Variants in ANKS1B observed in about 807,000 individuals in gnomAD.
ANKS1B encodes the protein ankyrin repeat and sterile alpha motif domain-containing protein 1B.
Under a neutral mutation model 148.3 loss-of-function variants are expected in ANKS1B, and 36 were observed. The ratio of observed to expected loss-of-function variants is 0.24; its 90% CI spans 0.19 to 0.32. The LOEUF (loss-of-function observed/expected upper bound fraction) is 0.32. Among genes scored for constraint, ANKS1B ranks in the 10% least tolerant of loss-of-function variants. The probability of loss-of-function intolerance (pLI) is 1.00; values close to 1 mark genes in which losing one functional copy is unlikely to be tolerated. For missense variants in ANKS1B, 1,157 were observed against 1,542.6 expected, an observed-to-expected ratio of 0.75 and a Z score of 4.19; for synonymous variants, 542 against 560.8, an observed-to-expected ratio of 0.97 and a Z score of 0.47.
intron 11 of ANKS1B, among the ~76,000 whole-genome samples, chr12:99,428,904 A>G (rs1349560260): frequency 6.6e-6 from 1 of 152,216 alleles, no homozygotes; most frequent in Non-Finnish European, 1.5e-5. Context: ...GGAATGCTCA[A>G]AGAGTGATGG....
intron 14 of ANKS1B, among the ~76,000 whole-genome samples, chr12:99,181,139 T>G (rs187954794): frequency 1.3e-5 from 2 of 152,344 alleles, no homozygotes; most frequent in East Asian, 3.9e-4. Flanking sequence ...GTGTGTCACA[T>G]AAACTTTGGT....
intron 9 of ANKS1B, among the ~76,000 whole-genome samples, chr12:99,566,418 C>A (rs2097394884): frequency 6.6e-6 from 1 of 152,196 alleles, no homozygotes; most frequent in Admixed American, 6.5e-5. Flanking sequence ...TTTCCAATAA[C>A]ATGCTCCTCA....
At chr12:98,768,623 G>C (rs544065650) in intron 25 of ANKS1B, among the ~76,000 whole-genome samples, 1 of 150,924 alleles carries the variant, frequency 6.6e-6, no homozygotes, top group African/African-American at 2.4e-5. Flanking sequence ...AGTCCCAGCT[G>C]CTCAGGAGGC....
chr12:99,718,300 C>T lies in ANKS1B; in HGVS notation c.1128+54622G>A, dbSNP rs572832462. On this transcript the variant is annotated intron_variant, in intron 8 of 26. Coordinates refer to ENST00000683438, the MANE Select transcript of ANKS1B (RefSeq NM_001352186.2). ...TAAATTATCTGCTTCCCTGACTATT[C>T]CTGGACTACAGCTGTATCTCATTGC... Among the ~76,000 whole-genome samples, 335 of 152,232 alleles carry T rather than the reference C, an allele frequency of 2.2e-3. 4 individuals are homozygous for T. Among genetic ancestry groups the T allele is most frequent in the Non-Finnish European group, 1.7e-3 (118 of 68,004 alleles).
intron 1 of ANKS1B, among the ~76,000 whole-genome samples, chr12:99,918,114 T>G (rs140947498): frequency 5.3e-5 from 8 of 152,318 alleles, no homozygotes; most frequent in African/African-American, 1.9e-4. Flanking sequence ...AAAAATTGAC[T>G]TCCACAAAAG....
chr12:99,427,291 C>A (rs1258242969), intron 11 of ANKS1B, among the ~76,000 whole-genome samples: 3 of 152,202 alleles, frequency 2.0e-5, no homozygotes, highest in Admixed American at 1.3e-4. Flanking sequence ...TCTCTGTCTT[C>A]TCTGGTTTCA....
chr12:99,903,377 TC>T (rs1369585426), intron 1 of ANKS1B, among the ~76,000 whole-genome samples: 2 of 152,128 alleles, frequency 1.3e-5, no homozygotes, highest in Non-Finnish European at 2.9e-5. Flanking sequence ...AAAGGGAAGT[TC>T]CCCTTCCTCT....
At chr12:99,365,359 A>T (rs10777973) in intron 12 of ANKS1B, among the ~76,000 whole-genome samples, 45,439 of 152,020 alleles carry the variant, frequency 0.3, 7,773 homozygotes, top group East Asian at 0.5. Context: ...AATCTGATAG[A>T]CCAATTTCAT....
chr12:98,737,213 A>G (rs2097777936), intron 9 of ANKS1B, among the ~76,000 whole-genome samples: 1 of 152,156 alleles, frequency 6.6e-6, no homozygotes, highest in Non-Finnish European at 1.5e-5. Context: ...CAGAGCACTC[A>G]TCTGAATCAC....
chr12:99,212,874 T>C (rs2083539493), intron 14 of ANKS1B, among the ~76,000 whole-genome samples: 1 of 152,216 alleles, frequency 6.6e-6, no homozygotes, highest in Admixed American at 6.5e-5. Context: ...TTCACATTCA[T>C]ATCCCTAGTT....
intron 1 of ANKS1B, among the ~76,000 whole-genome samples, chr12:99,958,374 A>AT (rs997366497): frequency 6.6e-6 from 1 of 151,880 alleles, no homozygotes; most frequent in Non-Finnish European, 1.5e-5. Context: ...CAAGCCACTG[A>AT]TTTTTTTTGT....
At chr12:99,017,666 G>A (rs2099943346) in intron 17 of ANKS1B, among the ~76,000 whole-genome samples, 1 of 152,030 alleles carries the variant, frequency 6.6e-6, no homozygotes, top group South Asian at 2.1e-4. Context: ...CCACCAAATT[G>A]TCCACAAAAA....
At chr12:99,376,083 T>C (rs1457173074) in intron 12 of ANKS1B, among the ~76,000 whole-genome samples, 1 of 152,198 alleles carries the variant, frequency 6.6e-6, no homozygotes, top group East Asian at 1.9e-4. Context: ...TATCAAACCA[T>C]TCGCTGTTCA....
In ANKS1B at chr12:99,713,890, G is replaced by A. The variant is rs144420488; in HGVS notation, c.1129-58680C>T. ...ACCACATTTTTAGGTATTTGTTAGC[G>A]CATAACCTCACTTCCAAATCTATGT... is the stretch of plus-strand genomic sequence containing the variant. On this transcript the variant is annotated intron_variant, in intron 8 of 26. Coordinates refer to ENST00000683438, the MANE Select transcript of ANKS1B (RefSeq NM_001352186.2). 1.4e-3 allele frequency among the ~76,000 whole-genome samples: 206 copies of A among 152,104 alleles called. 4 individuals carry two copies. The highest frequency in any genetic ancestry group is 3.4e-3 in the Middle Eastern group (1 of 294).
intron 17 of ANKS1B, among the ~76,000 whole-genome samples, chr12:98,971,641 T>C (rs17363636): frequency 0.13 from 19,391 of 152,190 alleles, 1,497 homozygotes; most frequent in Middle Eastern, 0.18. Context: ...GTGTGTCTTC[T>C]ATACTTTGTA....
At chr12:99,413,104 A>G (rs2094772859) in intron 11 of ANKS1B, among the ~76,000 whole-genome samples, 1 of 152,218 alleles carries the variant, frequency 6.6e-6, no homozygotes, top group Non-Finnish European at 1.5e-5. Flanking sequence ...AGAAGTCGTG[A>G]GTGAGTATTG....
chr12:99,671,480 T>TA (rs2098537911), intron 8 of ANKS1B, among the ~76,000 whole-genome samples: 2 of 152,164 alleles, frequency 1.3e-5, no homozygotes, highest in Admixed American at 6.5e-5. Context: ...TCCTTTTCAA[T>TA]ATACAACATA....
At chr12:99,842,682 GC>G (rs1218307979) in intron 1 of ANKS1B, among the ~76,000 whole-genome samples, 2 of 151,984 alleles carry the variant, frequency 1.3e-5, no homozygotes, top group Admixed American at 1.3e-4. Flanking sequence ...ATTTCCACTT[GC>G]CCATGCTATA....
intron 10 of ANKS1B, among the ~76,000 whole-genome samples, chr12:99,500,615 T>C (rs1417446860): frequency 6.6e-6 from 1 of 152,156 alleles, no homozygotes; most frequent in African/African-American, 2.4e-5. Context: ...TAACAATAGA[T>C]AACTGATACA....
Sources: gnomAD v4.1 joint callset for allele counts (sites outside exome capture counted in the v4.1 genomes callset) on GRCh38, gnomAD v4.1.1 for gene constraint, MANE v1.5 for transcripts, NCBI Gene and HGNC (gene_info 2026-07-23, HGNC 2026-07-21) for gene names.